EXOC6B: variants seen among roughly 807,000 people sequenced by gnomAD.
EXOC6B encodes SEC15 homolog B.
EXOC6B carries 54 observed loss-of-function variants against 113.5 expected under a neutral mutation model. The observed-to-expected ratio is 0.48, with a 90% CI of 0.38 to 0.60. The LOEUF (loss-of-function observed/expected upper bound fraction) is 0.60. EXOC6B is among the 20% of genes least tolerant of loss of function. EXOC6B has a pLI of 0.00. For synonymous variants in EXOC6B, 357 were observed against 339.0 expected (o/e 1.05, Z -0.58); for missense variants, 797 against 977.5 (o/e 0.82, Z 2.46).
At chr2:72,273,427 G>GT (rs1398825200) in intron 20 of EXOC6B, among the ~76,000 whole-genome samples, 1 of 152,094 alleles carries the variant, frequency 6.6e-6, no homozygotes, top group Non-Finnish European at 1.5e-5. Flanking sequence ...TCACAGCCTA[G>GT]TAGAGGAGAC....
chr2:72,556,880 AAGGACATTTTAAACATTCTAAACTGTC>A (rs1703576331), intron 8 of EXOC6B, among the ~76,000 whole-genome samples: 2 of 152,104 alleles, frequency 1.3e-5, no homozygotes, highest in Non-Finnish European at 2.9e-5. Flanking sequence ...ATTGTGAAAA[AAGGACATTTTAAACATTCTAAACTGTC>A]AGTATCTACA....
At chr2:72,579,020 C>T (rs1705042814) in intron 6 of EXOC6B, among the ~76,000 whole-genome samples, 1 of 151,954 alleles carries the variant, frequency 6.6e-6, no homozygotes, top group Admixed American at 6.6e-5. Context: ...AAGGAGTGGT[C>T]AACTGAGAGA....
intron 6 of EXOC6B, among the ~76,000 whole-genome samples, chr2:72,614,725 T>G (rs887448863): frequency 2.6e-5 from 4 of 152,190 alleles, no homozygotes; most frequent in Non-Finnish European, 2.9e-5. Context: ...ACTGAAATGC[T>G]AATAAACTAC....
chr2:72,494,635 G>A (rs1210444419), intron 15 of EXOC6B, among the ~76,000 whole-genome samples: 7 of 151,994 alleles, frequency 4.6e-5, no homozygotes, highest in Admixed American at 6.6e-5. Flanking sequence ...AGGGGATATT[G>A]TGTTGAACAA....
At chr2:72,556,862 G>C (rs1014701344) in intron 8 of EXOC6B, among the ~76,000 whole-genome samples, 1 of 151,690 alleles carries the variant, frequency 6.6e-6, no homozygotes, top group Non-Finnish European at 1.5e-5. Flanking sequence ...TTTAGAGTCT[G>C]GTGACAAATT....
chr2:72,605,688 C>T (rs183179960), intron 6 of EXOC6B, among the ~76,000 whole-genome samples: 12 of 152,268 alleles, frequency 7.9e-5, no homozygotes, highest in Admixed American at 4.6e-4. Context: ...CTAAGGACTG[C>T]GTCATTAACT....
At chr2:72,186,086 T>C (rs1021925045) in intron 20 of EXOC6B, among the ~76,000 whole-genome samples, 1 of 152,334 alleles carries the variant, frequency 6.6e-6, no homozygotes, top group South Asian at 2.1e-4. Flanking sequence ...CATCCTTTTT[T>C]ATGGCTGCAT....
rs1483211165 is a variant in EXOC6B at position 72,349,571 on chromosome 2, C to T, written c.2123-14551G>A. 4.5e-4 allele frequency among the ~76,000 whole-genome samples: 68 copies of T among 152,244 alleles called. 1 individual carries two copies. The highest frequency in any genetic ancestry group is 1.6e-4 in the Non-Finnish European group (11 of 68,016). On this transcript the variant is annotated intron_variant, in intron 19 of 21. Transcript: ENST00000272427. The stretch of plus-strand genomic sequence containing the variant: ...TATAAAAACTCTGGACACTAAAACA[C>T]AGTGCAGTTTCCTGATTGGTGAAAA...
intron 19 of EXOC6B, among the ~76,000 whole-genome samples, chr2:72,373,304 C>T (rs1259929894): frequency 6.6e-6 from 1 of 152,080 alleles, no homozygotes; most frequent in Admixed American, 6.6e-5. Context: ...ATCCACCCAC[C>T]TCAGCCTCCC....
chr2:72,789,472 G>A (rs1246254841), intron 1 of EXOC6B, among the ~76,000 whole-genome samples: 1 of 152,158 alleles, frequency 6.6e-6, no homozygotes, highest in East Asian at 1.9e-4. Context: ...CAACAACTCT[G>A]AGTCAAATGT....
At chr2:72,419,478 A>G (rs1434479963) in intron 18 of EXOC6B, among the ~76,000 whole-genome samples, 1 of 152,198 alleles carries the variant, frequency 6.6e-6, no homozygotes, top group Non-Finnish European at 1.5e-5. Flanking sequence ...GATTTCTTGC[A>G]GGAAAAATTT....
At chr2:72,401,516 CATATATACATAT>C (rs1320868079) in intron 18 of EXOC6B, among the ~76,000 whole-genome samples, 2 of 20,528 alleles carry the variant, frequency 9.7e-5, no homozygotes, top group East Asian at 7.4e-4. Context: ...TATATATATA[CATATATACATAT>C]ATATATATAT....
intron 6 of EXOC6B, among the ~76,000 whole-genome samples, chr2:72,638,939 C>G (rs1359128088): frequency 6.6e-6 from 1 of 152,172 alleles, no homozygotes; most frequent in Non-Finnish European, 1.5e-5. Context: ...AGCCTGGCCA[C>G]GCCTCCTTGC....
chr2:72,779,899 C>T (rs183994152), intron 1 of EXOC6B, among the ~76,000 whole-genome samples: 4 of 152,152 alleles, frequency 2.6e-5, no homozygotes, highest in Non-Finnish European at 4.4e-5. Context: ...ATGAAGACAA[C>T]GGAGGGAGAG....
Position 72,553,190 on chromosome 2 carries a change from A to G in EXOC6B, c.915+6263T>C, listed in dbSNP as rs572410083. 8.5e-5 allele frequency among the ~76,000 whole-genome samples: 13 copies of G among 152,224 alleles called. 1 individual carries two copies. In the East Asian group the frequency reaches 2.5e-3, roughly 29 times the overall value. On this transcript the variant is annotated intron_variant, in intron 8 of 21. Coordinates refer to ENST00000272427, the MANE Select transcript of EXOC6B (RefSeq NM_015189.3). ...AAAATCAATAGTTTTCCTCAATATC[A>G]GCAATAACTAATTAGAAAATAAAGT...
In EXOC6B at chr2:72,512,315, G is replaced by A. The variant is rs556287747; in HGVS notation, c.1167+817C>T. ...AGCATAATCAATCTTTAAGAAACAC[G>A]GAAGGAAGGAAGGAAGGAAGGAAGG... On this transcript the variant is annotated intron_variant, in intron 11 of 21. Coordinates refer to ENST00000272427, the MANE Select transcript of EXOC6B (RefSeq NM_015189.3). 0.017 allele frequency among the ~76,000 whole-genome samples: 186 copies of A among 11,108 alleles called. No homozygotes were observed. The South Asian group carries it at 0.23, about 13-fold the overall frequency. 7.3% of individuals were successfully genotyped at this position (11,108 alleles called of 152,430 possible).
chr2:72,719,148 C>T (rs1245326534), intron 5 of EXOC6B, among the ~76,000 whole-genome samples: 2 of 152,180 alleles, frequency 1.3e-5, no homozygotes, highest in Admixed American at 1.3e-4. Context: ...AATTCCTCCA[C>T]CCCTGGTCAT....
chr2:72,584,148 C>T (rs1705402772), intron 6 of EXOC6B, among the ~76,000 whole-genome samples: 2 of 151,836 alleles, frequency 1.3e-5, no homozygotes, highest in East Asian at 1.9e-4. Context: ...AACCAGCTAA[C>T]AATTTCAATA....
chr2:72,582,449 G>A (rs529541689), intron 6 of EXOC6B, among the ~76,000 whole-genome samples: 37 of 152,180 alleles, frequency 2.4e-4, no homozygotes, highest in African/African-American at 7.5e-4. Flanking sequence ...TTCAGGAGGC[G>A]GAGGTTGCAG....
Sources: allele counts gnomAD v4.1 joint callset (sites outside exome capture counted in the v4.1 genomes callset), GRCh38; gene constraint gnomAD v4.1.1; transcripts MANE v1.5; gene names NCBI Gene and HGNC (gene_info 2026-07-23, HGNC 2026-07-21).